PRKCZ: variants seen among roughly 807,000 people sequenced by gnomAD.
PRKCZ encodes protein kinase C zeta.
A neutral mutation model predicts 79.5 loss-of-function variants in PRKCZ; 33 were observed. That is an observed-to-expected ratio of 0.41 (90% CI 0.31 to 0.55). The LOEUF (loss-of-function observed/expected upper bound fraction) is 0.55. Ranked by LOEUF, PRKCZ falls within the 20% of genes least tolerant of loss-of-function variation. The probability of loss-of-function intolerance (pLI) is 0.19; values close to 1 mark genes in which losing one functional copy is unlikely to be tolerated. For missense variants in PRKCZ, 578 were observed against 813.5 expected (o/e 0.71, Z 3.52); for synonymous variants, 342 against 320.9 (o/e 1.07, Z -0.70).
chr1:2,138,196 A>G (rs1251616831), intron 5 of PRKCZ, among the ~76,000 whole-genome samples: 1 of 152,238 alleles, frequency 6.6e-6, no homozygotes, highest in Non-Finnish European at 1.5e-5. Context: ...AAGGGGAACA[A>G]GCACCCAGGA....
intron 15 of PRKCZ, among the ~76,000 whole-genome samples, 181 bp from the exon 16 acceptor site, chr1:2,175,043 A>G (rs962021189): frequency 1.3e-5 from 2 of 152,178 alleles, no homozygotes; most frequent in Admixed American, 6.5e-5. Context: ...GCCCAAGGAA[A>G]ATGGAACGGA....
intron 5 of PRKCZ, among the ~76,000 whole-genome samples, chr1:2,140,105 A>T (rs1410397294): frequency 6.6e-6 from 1 of 152,270 alleles, no homozygotes; most frequent in Non-Finnish European, 1.5e-5. Flanking sequence ...CATGAGCAGC[A>T]GTGCCTGTCA....
At chr1:2,123,524 G>A in intron 4 of PRKCZ, among the ~76,000 whole-genome samples, 2 of 13,074 alleles carry the variant, frequency 1.5e-4, no homozygotes, top group Admixed American at 1.1e-3. Context: ...TAGGGTCGTG[G>A]CGGTGGTTAG....
intron 4 of PRKCZ, among the ~76,000 whole-genome samples, chr1:2,092,880 T>C (rs1375204799): frequency 6.6e-6 from 1 of 152,156 alleles, no homozygotes; most frequent in East Asian, 1.9e-4. Flanking sequence ...TGGGCCCAGC[T>C]AGGGGGTGAC....
At chr1:2,175,052 G>A (rs1685172533) in intron 15 of PRKCZ, among the ~76,000 whole-genome samples, 172 bp from the exon 16 acceptor site, 1 of 152,152 alleles carries the variant, frequency 6.6e-6, no homozygotes, top group African/African-American at 2.4e-5. Context: ...AAATGGAACG[G>A]AGCTTAACGT....
chr1:2,061,577 C>T (rs553657179), intron 4 of PRKCZ, among the ~76,000 whole-genome samples: 10 of 152,282 alleles, frequency 6.6e-5, no homozygotes, highest in African/African-American at 1.4e-4. Context: ...GGTGGCTCCA[C>T]GGCTTCGGGG....
chr1:2,180,985 G>A (rs1006854302), intron 16 of PRKCZ, among the ~76,000 whole-genome samples: 18 of 152,136 alleles, frequency 1.2e-4, no homozygotes, highest in African/African-American at 4.3e-4. Flanking sequence ...CCCCTTGGAC[G>A]CCTCCAGGCC....
chr1:2,068,898 G>A (rs4454477), intron 4 of PRKCZ, among the ~76,000 whole-genome samples: 5,807 of 152,294 alleles, frequency 0.038, 202 homozygotes, highest in East Asian at 0.15. Flanking sequence ...GACAGGCCCA[G>A]CCGGTGCTCA....
chr1:2,166,425 A>G (rs936590959), intron 10 of PRKCZ, among the ~76,000 whole-genome samples: 31 of 152,148 alleles, frequency 2.0e-4, no homozygotes, highest in Non-Finnish European at 3.7e-4. Flanking sequence ...TCTCAGAAAA[A>G]CAGCCCCGAG....
intron 4 of PRKCZ, among the ~76,000 whole-genome samples, chr1:2,083,741 T>C (rs1200197633): frequency 6.6e-6 from 1 of 152,088 alleles, no homozygotes; most frequent in Admixed American, 6.6e-5. Flanking sequence ...CTTGGGGCGT[T>C]TTAACAGCTT....
rs375441413 is a variant in PRKCZ at position 2,102,656 on chromosome 1, T to C, written c.335-32606T>C. Among the ~76,000 whole-genome samples, 3 of 152,248 alleles carry C rather than the reference T, an allele frequency of 2.0e-5. No homozygotes were observed. In the East Asian group the frequency reaches 5.8e-4, roughly 29 times the overall value. ...CCTCGTTTTTGTTTGTTTTACTTTG[T>C]TATGAGTAATGATAGATTTCTAGAA... On this transcript the variant is annotated intron_variant, in intron 4 of 17. Coordinates refer to ENST00000378567, the MANE Select transcript of PRKCZ (RefSeq NM_002744.6).
chr1:2,077,943 T>G (rs1183417341), intron 4 of PRKCZ, among the ~76,000 whole-genome samples: 3 of 152,272 alleles, frequency 2.0e-5, no homozygotes, highest in Admixed American at 6.5e-5. Context: ...CTACCATGAT[T>G]GCATTCCCTT....
At chr1:2,124,577 C>G (rs536306955) in intron 4 of PRKCZ, among the ~76,000 whole-genome samples, 1 of 152,112 alleles carries the variant, frequency 6.6e-6, no homozygotes, top group Non-Finnish European at 1.5e-5. Flanking sequence ...CCTGCAGGTT[C>G]CGTCATCCTG....
At position 2,134,983 on chromosome 1, in the gene PRKCZ, G is replaced by A. The variant is rs577898999; in HGVS notation, c.335-279G>A. ...CTTCACGGCTCCACTGTCAGCAAGCGGCCGTCCCGTGGTGGATCCTGTCCG... is the reference window on the plus strand; with the variant it reads ...CTTCACGGCTCCACTGTCAGCAAGCAGCCGTCCCGTGGTGGATCCTGTCCG... On this transcript the variant is annotated intron_variant, in intron 4 of 17. Transcript: ENST00000378567. 2.0e-3 allele frequency: 543 copies of A among 270,484 alleles called. 12 individuals are homozygous for A. The South Asian group carries it at 0.033, about 16-fold the overall frequency. 16.8% of individuals were successfully genotyped at this position (270,484 alleles called of 1,614,324 possible).
At chr1:2,143,976 G>A in intron 5 of PRKCZ, 1 of 518,696 alleles carries the variant, frequency 1.9e-6, no homozygotes, top group South Asian at 2.4e-5. Context: ...CTCATGCAGA[G>A]CAGGGTTCCA....
rs1665999394 is a variant in PRKCZ at position 2,094,130 on chromosome 1, T to C, written c.334+34539T>C. Among the ~76,000 whole-genome samples the C allele has an allele frequency of 6.6e-6, 1 of 152,150 alleles. No homozygotes were observed. Among genetic ancestry groups the C allele is most frequent in the South Asian group, 2.1e-4 (1 of 4,830 alleles). On this transcript the variant is annotated intron_variant, in intron 4 of 17. Coordinates refer to ENST00000378567, the MANE Select transcript of PRKCZ (RefSeq NM_002744.6). The surrounding 1 kb of genome is among the most constrained non-coding windows in gnomAD (Gnocchi z 7.3). ...CTTGTCTCTAGAACCTTCTGCCTGA[T>C]GCACAACCTCAGAGCCCTCCGTCGC...
intron 3 of PRKCZ, among the ~76,000 whole-genome samples, chr1:2,057,226 C>T (rs1325884878): frequency 6.6e-6 from 1 of 152,180 alleles, no homozygotes; most frequent in Non-Finnish European, 1.5e-5. Context: ...AAGTTCAAAG[C>T]CCCATGATGA....
intron 4 of PRKCZ, among the ~76,000 whole-genome samples, chr1:2,087,574 C>T (rs1571271468): frequency 1.3e-5 from 2 of 152,204 alleles, no homozygotes; most frequent in South Asian, 4.2e-4. Flanking sequence ...TTTAATGATG[C>T]TCTTATTTTT....
chr1:2,087,417 T>G (rs112819119), intron 4 of PRKCZ, among the ~76,000 whole-genome samples: 1 of 152,018 alleles, frequency 6.6e-6, no homozygotes, highest in African/African-American at 2.4e-5. Context: ...CTTTGGGTGG[T>G]GAGGCGCCAC....
Sources: gnomAD v4.1 joint callset for allele counts (sites outside exome capture counted in the v4.1 genomes callset) on GRCh38, gnomAD v4.1.1 for gene constraint, Gnocchi (gnomAD v3.1) non-coding constraint, MANE v1.5 for transcripts, NCBI Gene and HGNC (gene_info 2026-07-23, HGNC 2026-07-21) for gene names.